The following AGGF1 variants were observed in gnomAD, a reference collection of about 807,000 sequenced individuals.
The protein encoded by AGGF1 is angiogenic factor with G patch and FHA domains 1.
A neutral mutation model predicts 86.5 loss-of-function variants in AGGF1; 56 were observed. The ratio of observed to expected loss-of-function variants is 0.65; its 90% CI spans 0.52 to 0.81. AGGF1 has a LOEUF of 0.81. Ranked by LOEUF, AGGF1 falls within the 30% of genes least tolerant of loss-of-function variation. The pLI, the probability that AGGF1 is intolerant of heterozygous loss-of-function variation, is 0.00. For missense variants in AGGF1, 816 were observed against 850.9 expected (o/e 0.96, Z 0.51); for synonymous variants, 313 against 297.1 (o/e 1.05, Z -0.55).
rs1243935010 is a variant in AGGF1 at position 77,043,759 on chromosome 5, C to T, written c.871-2588C>T. ...CTTCCCAGATGGGGTGGCTGCCGGG[C>T]GGAGAGGCTCCTCACTTCTCAGAGT... On this transcript the variant is annotated intron_variant, in intron 5 of 13. Transcript: ENST00000312916. Among the ~76,000 whole-genome samples, 49 of 125,256 alleles carry T rather than the reference C, an allele frequency of 3.9e-4. 1 individual carries two copies. Among genetic ancestry groups the T allele is most frequent in the African/African-American group, 9.4e-4 (33 of 34,992 alleles). 82.2% of individuals were successfully genotyped at this position (125,256 alleles called of 152,430 possible).
intron 5 of AGGF1, 22 bp from the exon 6 acceptor site, chr5:77,046,325 G>A (rs1031870742): frequency 7.6e-6 from 12 of 1,589,258 alleles, no homozygotes; most frequent in South Asian, 3.3e-5. Flanking sequence ...CTGTTCCCTC[G>A]TATCTACCCA....
intron 5 of AGGF1, among the ~76,000 whole-genome samples, chr5:77,042,279 A>G (rs1262664956): frequency 6.8e-6 from 1 of 148,068 alleles, no homozygotes. Context: ...TTTCTATTCC[A>G]CAAAGCCGCC....
chr5:77,039,396 T>C (rs1012654339), intron 4 of AGGF1, 135 bp from the exon 5 acceptor site: 12 of 672,716 alleles, frequency 1.8e-5, no homozygotes, highest in Admixed American at 1.3e-4. Flanking sequence ...TTTATTGTTA[T>C]CTTTAATTCA....
chr5:77,030,528 C>T lies in AGGF1; in HGVS notation c.-239C>T, dbSNP rs1242739337. 4.4e-6 allele frequency: 3 copies of T among 686,070 alleles called. No individual in the cohort carries two copies. The highest frequency in any genetic ancestry group is 5.3e-6 in the Non-Finnish European group (2 of 375,354). 42.5% of individuals were successfully genotyped at this position (686,070 alleles called of 1,614,324 possible). ...AGAAGGTAGTTTCCAGGAAAGTTTTCCGGTTTGCAGGCCGCGCACATCGGG... is the reference window on the plus strand; with the variant it reads ...AGAAGGTAGTTTCCAGGAAAGTTTTTCGGTTTGCAGGCCGCGCACATCGGG... On this transcript the variant is annotated 5_prime_UTR_variant, in exon 1 of 14. Transcript: ENST00000312916.
intron 10 of AGGF1, among the ~76,000 whole-genome samples, chr5:77,054,726 A>G (rs1051601995): frequency 1.2e-4 from 18 of 152,186 alleles, no homozygotes; most frequent in African/African-American, 3.6e-4. Context: ...AAATAATTTA[A>G]AAAGTAATTA....
chr5:77,054,802 G>A (rs1033994598), intron 10 of AGGF1, among the ~76,000 whole-genome samples: 4 of 152,112 alleles, frequency 2.6e-5, no homozygotes, highest in African/African-American at 9.7e-5. Context: ...TGTAAAAAAA[G>A]TCATCCACAG....
At position 77,052,822 on chromosome 5, in the gene AGGF1, G is replaced by A. The variant is rs781238219; in HGVS notation, c.1467+15G>A. 2.6e-6 allele frequency: 4 copies of A among 1,566,088 alleles called. No individual in the cohort carries two copies. The highest frequency in any genetic ancestry group is 3.5e-6 in the Non-Finnish European group (4 of 1,136,682). On this transcript the variant is annotated intron_variant, in intron 9 of 13. Transcript: ENST00000312916. ...AGATTCTTCAGGTGAGTGTATATGT[G>A]TTAATTTGTTACCTGCACATTATTT...
chr5:77,053,867 A>G (rs1747417505), intron 9 of AGGF1, 98 bp from the exon 10 acceptor site: 3 of 1,219,612 alleles, frequency 2.5e-6, no homozygotes, highest in Middle Eastern at 2.8e-4. Flanking sequence ...TATTTTAAAT[A>G]TATTTTAAAA....
At chr5:77,035,496 C>T (rs1223054980) in intron 2 of AGGF1, 45 bp from the exon 3 acceptor site, 1 of 1,443,860 alleles carries the variant, frequency 6.9e-7, no homozygotes, top group African/African-American at 1.4e-5. Flanking sequence ...TTTTTATATA[C>T]ATTATTCTAA....
chr5:77,050,986 C>T (rs1163953055), intron 8 of AGGF1, among the ~76,000 whole-genome samples: 1 of 151,986 alleles, frequency 6.6e-6, no homozygotes, highest in Non-Finnish European at 1.5e-5. Flanking sequence ...TATTAAATAT[C>T]ACTCCTTTTG....
chr5:77,031,450 C>A (rs1746851605), intron 1 of AGGF1, among the ~76,000 whole-genome samples: 1 of 152,150 alleles, frequency 6.6e-6, no homozygotes, highest in African/African-American at 2.4e-5. Context: ...AATGCTATAC[C>A]TGTTTAAGGT....
Position 77,061,767 on chromosome 5 carries a change from G to T in AGGF1, c.1909G>T (p.Gly637Cys). Residue 637 changes from glycine (G) to cysteine (C), a missense_variant, in exon 13 of 14, where the codon GGC becomes TGC. This residue lies in a region of AGGF1 where 565 missense variants were observed against 585.8 expected (regional missense o/e 0.96). Coordinates refer to ENST00000312916, the MANE Select transcript of AGGF1 (RefSeq NM_018046.5). ...LEKMGWKKGE[G>C]LGKDGGGMKT... ...GAAGATGGGTTGGAAGAAAGGAGAG[G>T]GCCTGGGGAAGGATGGTGGAGGAAT... 6.2e-7 allele frequency: 1 copy of T among 1,613,844 alleles called. No homozygotes were observed. The highest frequency in any genetic ancestry group is 8.5e-7 in the Non-Finnish European group (1 of 1,179,820).
At chr5:77,059,259 C>T (rs2150735339) in intron 11 of AGGF1, among the ~76,000 whole-genome samples, 1 of 152,230 alleles carries the variant, frequency 6.6e-6, no homozygotes, top group Middle Eastern at 3.4e-3. Flanking sequence ...TATGTTGTGG[C>T]ATAACTTGAA....
intron 5 of AGGF1, among the ~76,000 whole-genome samples, chr5:77,042,463 CGG>C (rs1747115885): frequency 1.0e-5 from 1 of 98,126 alleles, no homozygotes; most frequent in African/African-American, 3.3e-5. Flanking sequence ...ACCTCCCTCC[CGG>C]ACGGGGCGGC....
At chr5:77,048,879 G>T in intron 7 of AGGF1, 57 bp from the exon 8 acceptor site, 1 of 1,511,410 alleles carries the variant, frequency 6.6e-7, no homozygotes, top group Non-Finnish European at 9.2e-7. Context: ...TTCTTTCCAT[G>T]TCACTTTATA....
chr5:77,059,759 C>G lies in AGGF1; in HGVS notation c.1844+16C>G, dbSNP rs752981997. 2 of 1,613,138 alleles carry G rather than the reference C, an allele frequency of 1.2e-6. No individual in the cohort carries two copies. Among genetic ancestry groups the G allele is most frequent in the Non-Finnish European group, 1.7e-6 (2 of 1,179,376 alleles). On this transcript the variant is annotated intron_variant, in intron 12 of 13. Coordinates refer to ENST00000312916, the MANE Select transcript of AGGF1 (RefSeq NM_018046.5). ...CTGTTCATTCGTAAGTTTTGAATTA[C>G]AGTGGCTCGAAACATCCTTTGTTCA...
chr5:77,040,234 G>A (rs59643039), intron 5 of AGGF1, among the ~76,000 whole-genome samples: 4,864 of 151,250 alleles, frequency 0.032, 237 homozygotes, highest in African/African-American at 0.11. Flanking sequence ...TCAGCCTCCC[G>A]AGTAGCTGGG....
chr5:77,032,370 A>G (rs961189738), intron 1 of AGGF1, among the ~76,000 whole-genome samples: 2 of 151,708 alleles, frequency 1.3e-5, no homozygotes. Context: ...GATCGAGACC[A>G]TCCTGGCTAA....
rs1742757644 is a variant in AGGF1, at chr5:77,064,753, G to T, written c.*1501G>T. 1 of 152,206 alleles carries T rather than the reference G, an allele frequency of 6.6e-6. No homozygotes were observed. The highest frequency in any genetic ancestry group is 2.1e-4 in the South Asian group (1 of 4,824). The allele number at this position is 152,206 out of a possible 1,614,324, so 9.4% of individuals were successfully genotyped here. ...AATAAAAAGTATTAGTCTAAATGTG[G>T]TTCTGGTGCTGGTGCCCTGTATATA... On this transcript the variant is annotated 3_prime_UTR_variant, in exon 14 of 14. Coordinates refer to ENST00000312916, the MANE Select transcript of AGGF1 (RefSeq NM_018046.5).
Sources: allele counts gnomAD v4.1 joint callset (sites outside exome capture counted in the v4.1 genomes callset), GRCh38; gene constraint gnomAD v4.1.1; regional missense constraint gnomAD v4.1.1; transcripts MANE v1.5; gene names NCBI Gene and HGNC (gene_info 2026-07-23, HGNC 2026-07-21).